Variants in CNDP1 observed in about 807,000 individuals in gnomAD.
CNDP1 encodes the protein beta-Ala-His dipeptidase.
A neutral mutation model predicts 58.1 loss-of-function variants in CNDP1; 44 were observed. That is an observed-to-expected ratio of 0.76 (90% confidence interval 0.60 to 0.97). The LOEUF is 0.97. CNDP1 is among the 50% of genes least tolerant of loss of function. The pLI is 0.00. For synonymous variants in CNDP1, 254 were observed against 252.6 expected (o/e 1.01, Z -0.05); for missense variants, 616 against 655.1 (o/e 0.94, Z 0.65).
chr18:74,569,614 G>A (rs1981419740), intron 6 of CNDP1, among the ~76,000 whole-genome samples: 1 of 152,070 alleles, frequency 6.6e-6, no homozygotes, highest in African/African-American at 2.4e-5. Context: ...GCACCGCATG[G>A]TCAGAGATAA....
At chr18:74,560,727 A>G in intron 3 of CNDP1, 129 bp from the exon 4 acceptor site, 1 of 864,418 alleles carries the variant, frequency 1.2e-6, no homozygotes, top group Non-Finnish European at 1.9e-6. Flanking sequence ...CATGGGACTC[A>G]TTTTAGAGAT....
At chr18:74,571,327 C>T (rs1268597396) in intron 7 of CNDP1, 57 bp downstream of exon 7, 1 of 1,219,628 alleles carries the variant, frequency 8.2e-7, no homozygotes, top group Non-Finnish European at 1.2e-6. Flanking sequence ...AAAGACAGCT[C>T]TACTTGATTT....
chr18:74,554,184 TCTCA>T (rs1291909242), intron 1 of CNDP1, among the ~76,000 whole-genome samples: 2 of 152,178 alleles, frequency 1.3e-5, no homozygotes, highest in Non-Finnish European at 2.9e-5. Context: ...CAGCATTGAC[TCTCA>T]CTCTGCCACT....
chr18:74,575,533 A>T (rs1472436119), intron 7 of CNDP1, among the ~76,000 whole-genome samples: 1 of 152,174 alleles, frequency 6.6e-6, no homozygotes, highest in Non-Finnish European at 1.5e-5. Context: ...GGCGGTATTT[A>T]CTAAATCTCA....
In CNDP1 at chr18:74,545,276, C is replaced by G. The variant is rs1356475291; in HGVS notation, c.24+10585C>G. On this transcript the variant is annotated intron_variant, in intron 1 of 11. Coordinates refer to ENST00000358821, the MANE Select transcript of CNDP1 (RefSeq NM_032649.6). The surrounding 1 kb of genome is among the most constrained non-coding windows in gnomAD (Gnocchi z 4.1). ...ACTTTACATTTGTTGGACTTTTGTT[C>G]AAAGCCAAAAGGTGGCCTGAGATGC... Among the ~76,000 whole-genome samples the G allele has an allele frequency of 6.6e-6, 1 of 152,186 alleles. No individual in the cohort carries two copies. Among genetic ancestry groups the G allele is most frequent in the Non-Finnish European group, 1.5e-5 (1 of 68,032 alleles).
intron 11 of CNDP1, chr18:74,584,207 G>A (rs1420014061): frequency 2.4e-6 from 1 of 424,958 alleles, no homozygotes; most frequent in Non-Finnish European, 4.3e-6. Context: ...CCAGACTACT[G>A]AGAAACAAGA....
At chr18:74,548,660 T>C (rs1416240726) in intron 1 of CNDP1, among the ~76,000 whole-genome samples, 6 of 151,870 alleles carry the variant, frequency 4.0e-5, no homozygotes, top group Non-Finnish European at 8.8e-5. Flanking sequence ...CAGACAGAGG[T>C]TGGAAGAGTT....
intron 1 of CNDP1, among the ~76,000 whole-genome samples, chr18:74,555,337 T>G (rs908638267): frequency 1.3e-5 from 2 of 151,992 alleles, no homozygotes; most frequent in Non-Finnish European, 2.9e-5. Flanking sequence ...ACGTAGGCGG[T>G]CTGACCAAGG....
chr18:74,535,759 T>C (rs1206911547), intron 1 of CNDP1, among the ~76,000 whole-genome samples: 1 of 152,098 alleles, frequency 6.6e-6, no homozygotes, highest in Non-Finnish European at 1.5e-5. Context: ...TGGCTGGGCA[T>C]GGTGGCTTAT....
intron 1 of CNDP1, among the ~76,000 whole-genome samples, chr18:74,552,766 CAT>C (rs1420233533): frequency 6.6e-6 from 1 of 152,174 alleles, no homozygotes; most frequent in East Asian, 1.9e-4. Context: ...TTTGTGTGAA[CAT>C]ATGTTTTCAC....
chr18:74,543,938 A>G (rs2144641353), intron 1 of CNDP1, among the ~76,000 whole-genome samples: 1 of 152,228 alleles, frequency 6.6e-6, no homozygotes, highest in East Asian at 1.9e-4. Context: ...TTTAAAAATC[A>G]GTCCACGTAT....
In CNDP1 at chr18:74,545,082, A is replaced by G. The variant is rs1042254749; in HGVS notation, c.24+10391A>G. Among the ~76,000 whole-genome samples the G allele has an allele frequency of 1.3e-5, 2 of 152,184 alleles. No homozygotes were observed. Among genetic ancestry groups the G allele is most frequent in the Non-Finnish European group, 2.9e-5 (2 of 68,024 alleles). ...ACCCTCCCCTAGAGCCTGCAGACGG[A>G]GCCCAGCCCTGCCAACACGTGATTT... On this transcript the variant is annotated intron_variant, in intron 1 of 11. Coordinates refer to ENST00000358821, the MANE Select transcript of CNDP1 (RefSeq NM_032649.6). This position sits in a 1 kb window ranked among gnomAD's most constrained non-coding sequence, Gnocchi z 4.1.
At chr18:74,556,034 T>A (rs539868078) in intron 1 of CNDP1, among the ~76,000 whole-genome samples, 1 of 152,340 alleles carries the variant, frequency 6.6e-6, no homozygotes, top group South Asian at 2.1e-4. Flanking sequence ...GCAGCAGAAC[T>A]GGGCCTCCCC....
chr18:74,538,547 T>C (rs1289108621), intron 1 of CNDP1, among the ~76,000 whole-genome samples: 1 of 152,188 alleles, frequency 6.6e-6, no homozygotes, highest in Non-Finnish European at 1.5e-5. Context: ...CTCCAGGGTG[T>C]GTACCTGGGA....
intron 7 of CNDP1, among the ~76,000 whole-genome samples, chr18:74,575,806 TATG>T (rs759529270): frequency 6.9e-6 from 1 of 144,696 alleles, no homozygotes; most frequent in Non-Finnish European, 1.5e-5. Context: ...GTTTCTCAGG[TATG>T]TATGTATGTA....
At chr18:74,542,759 C>T (rs1049517726) in intron 1 of CNDP1, among the ~76,000 whole-genome samples, 40 of 152,172 alleles carry the variant, frequency 2.6e-4, no homozygotes, top group Non-Finnish European at 5.1e-4. Context: ...GTCTTGAACT[C>T]CTGGGCTCAA....
intron 3 of CNDP1, among the ~76,000 whole-genome samples, chr18:74,560,359 T>C (rs1329370959): frequency 6.6e-6 from 1 of 152,204 alleles, no homozygotes; most frequent in East Asian, 1.9e-4. Flanking sequence ...TGATGCTAAT[T>C]GTCAGTGTGG....
At chr18:74,564,688 T>C (rs751349677) in intron 5 of CNDP1, among the ~76,000 whole-genome samples, 1 of 152,166 alleles carries the variant, frequency 6.6e-6, no homozygotes, top group Non-Finnish European at 1.5e-5. Context: ...AGTATAGAAT[T>C]TGCTTTTCTG....
At chr18:74,570,234 T>TAATAATAATAATAATAAA (rs1568298355) in intron 6 of CNDP1, among the ~76,000 whole-genome samples, 1 of 83,820 alleles carries the variant, frequency 1.2e-5, no homozygotes, top group African/African-American at 5.1e-5. Flanking sequence ...ATAATAATAA[T>TAATAATAATAATAATAAA]AAATAATTAA....
Sources: allele counts gnomAD v4.1 joint callset (sites outside exome capture counted in the v4.1 genomes callset), GRCh38; gene constraint gnomAD v4.1.1; non-coding constraint Gnocchi (gnomAD v3.1); transcripts MANE v1.5; gene names NCBI Gene and HGNC (gene_info 2026-07-23, HGNC 2026-07-21).